The following CACNA2D1 variants were observed in gnomAD, a reference collection of about 807,000 sequenced individuals.
CACNA2D1 encodes calcium voltage-gated channel auxiliary subunit alpha2delta 1, also known as voltage-dependent calcium channel subunit alpha-2/delta-1.
Under a neutral mutation model 171.5 loss-of-function variants are expected in CACNA2D1, and 53 were observed. The ratio of observed to expected loss-of-function variants is 0.31; its 90% CI spans 0.25 to 0.39. The LOEUF (loss-of-function observed/expected upper bound fraction) is 0.39. Ranked by LOEUF, CACNA2D1 falls within the 10% of genes least tolerant of loss-of-function variation. CACNA2D1 has a pLI of 1.00. For missense variants in CACNA2D1, 903 were observed against 1,299.8 expected, an observed-to-expected ratio of 0.69 and a Z score of 4.69; for synonymous variants, 442 against 443.1, an observed-to-expected ratio of 1.00 and a Z score of 0.03.
At chr7:82,112,077 T>C (rs765804257) in intron 6 of CACNA2D1, among the ~76,000 whole-genome samples, 6 of 152,148 alleles carry the variant, frequency 3.9e-5, no homozygotes, top group Non-Finnish European at 7.4e-5. Flanking sequence ...ATATTAACTC[T>C]ATAGTTTCTG....
chr7:82,130,462 A>G (rs1443026970), intron 5 of CACNA2D1, among the ~76,000 whole-genome samples: 2 of 152,032 alleles, frequency 1.3e-5, no homozygotes, highest in Non-Finnish European at 2.9e-5. Context: ...ATAATAATGT[A>G]TCATAATTAA....
At chr7:82,440,136 A>C (rs1232053702) in intron 1 of CACNA2D1, among the ~76,000 whole-genome samples, 1 of 151,952 alleles carries the variant, frequency 6.6e-6, no homozygotes, top group Non-Finnish European at 1.5e-5. Flanking sequence ...CACAATTCTT[A>C]GTTTTATATT....
intron 1 of CACNA2D1, among the ~76,000 whole-genome samples, chr7:82,389,870 CG>C (rs148830006): frequency 0.012 from 1,761 of 152,196 alleles, 62 homozygotes; most frequent in East Asian, 0.07. Context: ...AAAATTCTGA[CG>C]TGTTTGTTTA....
intron 9 of CACNA2D1, among the ~76,000 whole-genome samples, chr7:82,061,393 T>G (rs1806892997): frequency 6.6e-6 from 1 of 152,168 alleles, no homozygotes; most frequent in South Asian, 2.1e-4. Context: ...ACGAAGATGC[T>G]GAGCTACAGT....
At chr7:82,165,409 T>C (rs772863517) in intron 4 of CACNA2D1, among the ~76,000 whole-genome samples, 2 of 152,000 alleles carry the variant, frequency 1.3e-5, no homozygotes, top group African/African-American at 4.8e-5. Flanking sequence ...CATTAGAAAA[T>C]ATTAAAAATT....
intron 1 of CACNA2D1, among the ~76,000 whole-genome samples, chr7:82,368,875 T>C (rs1247368172): frequency 6.6e-6 from 1 of 152,180 alleles, no homozygotes; most frequent in Non-Finnish European, 1.5e-5. Context: ...CAATGACTCT[T>C]GTATCATTCT....
At chr7:82,413,010 T>A (rs1012763468) in intron 1 of CACNA2D1, among the ~76,000 whole-genome samples, 1 of 152,182 alleles carries the variant, frequency 6.6e-6, no homozygotes, top group East Asian at 1.9e-4. Context: ...TGCTAAATTC[T>A]CTTAACTGTA....
At chr7:82,328,156 A>T (rs1816877446) in intron 3 of CACNA2D1, among the ~76,000 whole-genome samples, 1 of 152,182 alleles carries the variant, frequency 6.6e-6, no homozygotes, top group African/African-American at 2.4e-5. Flanking sequence ...AAATAAAAGT[A>T]ATCTCAATTT....
intron 3 of CACNA2D1, among the ~76,000 whole-genome samples, chr7:82,204,106 C>T (rs1358022333): frequency 2.0e-5 from 3 of 152,202 alleles, no homozygotes; most frequent in South Asian, 2.1e-4. Context: ...GCATAGTACA[C>T]AGATGGGTTT....
intron 3 of CACNA2D1, among the ~76,000 whole-genome samples, chr7:82,176,257 A>G (rs551841496): frequency 6.6e-6 from 1 of 152,066 alleles, no homozygotes; most frequent in Non-Finnish European, 1.5e-5. Context: ...TAATACTTCC[A>G]TGAATATTGA....
At chr7:82,266,177 G>A (rs924268654) in intron 3 of CACNA2D1, among the ~76,000 whole-genome samples, 3 of 152,098 alleles carry the variant, frequency 2.0e-5, no homozygotes, top group Admixed American at 2.0e-4. Flanking sequence ...AAGAGAAACT[G>A]TCTGGCTTTT....
intron 24 of CACNA2D1, among the ~76,000 whole-genome samples, chr7:81,979,078 T>G (rs895287027): frequency 6.6e-6 from 1 of 151,962 alleles, no homozygotes; most frequent in Admixed American, 6.6e-5. Flanking sequence ...ATACAAATGG[T>G]CACGTATTGT....
chr7:82,207,825 G>A (rs1262979749), intron 3 of CACNA2D1, among the ~76,000 whole-genome samples: 1 of 152,144 alleles, frequency 6.6e-6, no homozygotes, highest in Non-Finnish European at 1.5e-5. Context: ...GGAAATTACA[G>A]ATTTTCCCAT....
At chr7:81,964,519 G>A (rs1310624413) in intron 32 of CACNA2D1, among the ~76,000 whole-genome samples, 160 bp from the exon 33 acceptor site, 5 of 151,958 alleles carry the variant, frequency 3.3e-5, no homozygotes, top group African/African-American at 9.7e-5. Flanking sequence ...ATATGACACT[G>A]TGAACAAACT....
chr7:82,310,749 A>G (rs1814350737), intron 3 of CACNA2D1, among the ~76,000 whole-genome samples: 1 of 152,140 alleles, frequency 6.6e-6, no homozygotes. Context: ...TCTATCAAAC[A>G]GTAAAGGTTT....
intron 12 of CACNA2D1, among the ~76,000 whole-genome samples, chr7:82,025,976 A>G (rs1047866217): frequency 8.7e-5 from 13 of 149,838 alleles, no homozygotes; most frequent in African/African-American, 2.9e-4. Context: ...TGTTGGGTGC[A>G]TACATCTTTG....
Position 81,949,009 on chromosome 7 carries a change from AG to A in CACNA2D1, c.*1382del, listed in dbSNP as rs1792263662. ...GAGATTCAAGGTTTCCTATTTGTTCAGATTATTGTAAAACCCTTATCAACTT... is the reference window on the plus strand; with the variant it reads ...GAGATTCAAGGTTTCCTATTTGTTCAATTATTGTAAAACCCTTATCAACTT... On this transcript the variant is annotated 3_prime_UTR_variant, in exon 39 of 39. Transcript: ENST00000356860. The A allele has an allele frequency of 6.6e-6, 1 of 151,994 alleles. No individual in the cohort carries two copies. 9.4% of individuals were successfully genotyped at this position (151,994 alleles called of 1,614,324 possible).
chr7:81,996,340 C>T (rs977939151), intron 19 of CACNA2D1, among the ~76,000 whole-genome samples: 1 of 152,064 alleles, frequency 6.6e-6, no homozygotes, highest in Non-Finnish European at 1.5e-5. Context: ...CACAAGGCCA[C>T]CGTCTAGGGT....
chr7:82,127,109 T>A (rs1457847575), intron 5 of CACNA2D1, among the ~76,000 whole-genome samples: 2 of 152,228 alleles, frequency 1.3e-5, no homozygotes, highest in African/African-American at 4.8e-5. Context: ...ATTCTCCAAT[T>A]TCAATTAATT....
Sources: gnomAD v4.1 joint callset for allele counts (sites outside exome capture counted in the v4.1 genomes callset) on GRCh38, gnomAD v4.1.1 for gene constraint, MANE v1.5 for transcripts, NCBI Gene and HGNC (gene_info 2026-07-23, HGNC 2026-07-21) for gene names.